LRRC3C: variants seen among roughly 807,000 people sequenced by gnomAD.
LRRC3C encodes leucine rich repeat containing 3C, also known as leucine-rich repeat-containing protein 3C.
In LRRC3C, 11 loss-of-function variants were observed where a neutral mutation model predicts 14.8. The ratio of observed to expected loss-of-function variants is 0.74; its 90% CI spans 0.47 to 1.23. LRRC3C has a LOEUF of 1.23. Ranked by LOEUF, LRRC3C falls within the 50% of genes most tolerant of loss-of-function variation. The pLI, the probability that LRRC3C is intolerant of heterozygous loss-of-function variation, is 0.00. For missense variants in LRRC3C, 354 were observed against 361.8 expected (o/e 0.98, Z 0.18); for synonymous variants, 149 against 161.5 (o/e 0.92, Z 0.59).
chr17:39,932,369 G>C (rs1295084664), intron 1 of LRRC3C, among the ~76,000 whole-genome samples: 1 of 152,116 alleles, frequency 6.6e-6, no homozygotes, highest in African/African-American at 2.4e-5. Context: ...AATGATATTT[G>C]AGCATCTACT....
chr17:39,938,137 G>GAA (rs201516952), intron 2 of LRRC3C, among the ~76,000 whole-genome samples: 1 of 151,218 alleles, frequency 6.6e-6, no homozygotes, highest in South Asian at 2.1e-4. Flanking sequence ...GTCTCAACAA[G>GAA]AAAAAAAAAT....
chr17:39,940,628 T>TC (rs1321599170), intron 2 of LRRC3C, among the ~76,000 whole-genome samples: 2 of 145,616 alleles, frequency 1.4e-5, no homozygotes, highest in Non-Finnish European at 3.0e-5. Context: ...TTTTTTTTTT[T>TC]CTGGAGAGAC....
In LRRC3C at chr17:39,941,433, T is replaced by G; in HGVS notation, c.-81-10T>G. 2.0e-6 allele frequency: 2 copies of G among 1,010,504 alleles called. No individual in the cohort carries two copies. Among genetic ancestry groups the G allele is most frequent in the African/African-American group, 3.2e-5 (2 of 62,230 alleles). 62.6% of individuals were successfully genotyped at this position (1,010,504 alleles called of 1,614,324 possible). A position where few individuals can be genotyped will look rare whatever the true frequency, so the allele number is the denominator to read the frequency against. On this transcript the variant is annotated splice_polypyrimidine_tract_variant and intron_variant, in intron 2 of 3. Coordinates refer to ENST00000377924, the MANE Select transcript of LRRC3C (RefSeq NM_001195545.2). ...CCCCCACACACACCCCATTTTTATT[T>G]TGCACTCAGCTCTACAATTCCGTGT...
chr17:39,938,055 C>T lies in LRRC3C; in HGVS notation c.-82+2161C>T, dbSNP rs577910469. ...GCTGAGGCAGGAGAATCTCTTGAACCCAGGAGGCAGAGGCTACTGTGAGCC... is the reference window on the plus strand; with the variant it reads ...GCTGAGGCAGGAGAATCTCTTGAACTCAGGAGGCAGAGGCTACTGTGAGCC... On this transcript the variant is annotated intron_variant, in intron 2 of 3. Transcript: ENST00000377924. Among the ~76,000 whole-genome samples, 3 of 152,206 alleles carry T rather than the reference C, an allele frequency of 2.0e-5. No individual in the cohort carries two copies. The South Asian group carries it at 6.2e-4, about 32-fold the overall frequency.
At chr17:39,941,788 GCC>G (rs1978948448) in intron 3 of LRRC3C, among the ~76,000 whole-genome samples, 1 of 152,186 alleles carries the variant, frequency 6.6e-6, no homozygotes, top group South Asian at 2.1e-4. Flanking sequence ...CTGGTCTTTG[GCC>G]ACTGACTCAT....
intron 2 of LRRC3C, among the ~76,000 whole-genome samples, chr17:39,938,317 G>A (rs555708548): frequency 1.2e-4 from 18 of 152,206 alleles, no homozygotes; most frequent in Non-Finnish European, 2.4e-4. Flanking sequence ...GTAGCTCAGC[G>A]ATTTCCAGGC....
intron 2 of LRRC3C, among the ~76,000 whole-genome samples, chr17:39,941,116 G>A (rs1415808011): frequency 2.6e-5 from 4 of 151,688 alleles, no homozygotes; most frequent in African/African-American, 7.3e-5. Context: ...TTGGGAGGCC[G>A]AAGTGGGTGG....
chr17:39,935,850 A>T lies in LRRC3C; in HGVS notation c.-126A>T, dbSNP rs1370975533. The T allele has an allele frequency of 1.0e-6, 1 of 985,356 alleles. No individual in the cohort carries two copies. The highest frequency in any genetic ancestry group is 1.7e-5 in the African/African-American group (1 of 57,240). 61.0% of individuals were successfully genotyped at this position (985,356 alleles called of 1,614,324 possible). A position where few individuals can be genotyped will look rare whatever the true frequency, so the allele number is the denominator to read the frequency against. ...TGTTGCCCTCTCCGCGAAACTGCCC[A>T]GTAACCTGGCATTAGACGGGTCCCT... On this transcript the variant is annotated 5_prime_UTR_variant, in exon 2 of 4. Coordinates refer to ENST00000377924, the MANE Select transcript of LRRC3C (RefSeq NM_001195545.2).
chr17:39,942,786 G>T (rs1406984665), intron 3 of LRRC3C, among the ~76,000 whole-genome samples: 1 of 152,206 alleles, frequency 6.6e-6, no homozygotes, highest in Non-Finnish European at 1.5e-5. Context: ...GTGCCATGGC[G>T]TGAAAGAATG....
In LRRC3C at chr17:39,944,195, G is replaced by C. The variant is rs145974830; in HGVS notation, c.289G>C (p.Gly97Arg). Residue 97 changes from glycine to arginine, a missense_variant, in exon 4 of 4, where the codon GGT becomes CGT. Gly to Arg is a moderately radical substitution (Grantham distance 125). Transcript: ENST00000377924. Reference sequence around the variant, plus strand: ...CAACCAGCTGGCATCGGTGCCTGCTGGTGCCTTCCAGCACCTGCCTGTCCT... The same window carrying C: ...CAACCAGCTGGCATCGGTGCCTGCTCGTGCCTTCCAGCACCTGCCTGTCCT... ...DANQLASVPA[G>R]AFQHLPVLEE... is the part of the protein sequence containing the mutation. 2.5e-3 allele frequency: 3,797 copies of C among 1,536,124 alleles called. 13 individuals are homozygous for C. Among genetic ancestry groups the C allele is most frequent in the Middle Eastern group, 7.7e-3 (46 of 5,990 alleles).
intron 1 of LRRC3C, among the ~76,000 whole-genome samples, chr17:39,933,318 G>T (rs1307848841): frequency 6.6e-6 from 1 of 152,094 alleles, no homozygotes; most frequent in African/African-American, 2.4e-5. Flanking sequence ...TCTGGGAGTG[G>T]TGATCGGGCC....
chr17:39,944,740 C>A lies in LRRC3C; in HGVS notation c.*6C>A, dbSNP rs887296491. 11 of 1,535,326 alleles carry A rather than the reference C, an allele frequency of 7.2e-6. No individual in the cohort carries two copies. The highest frequency in any genetic ancestry group is 3.3e-4 in the Middle Eastern group (2 of 6,012). On this transcript the variant is annotated 3_prime_UTR_variant, in exon 4 of 4. Transcript: ENST00000377924. Reference sequence around the variant, plus strand: ...TCCTCAGCACAGTGGTCTGATGACCCAGGATGCTCCTCCAGCCACACCCCA... The same window carrying A: ...TCCTCAGCACAGTGGTCTGATGACCAAGGATGCTCCTCCAGCCACACCCCA...
chr17:39,943,370 G>A (rs1978987738), intron 3 of LRRC3C, among the ~76,000 whole-genome samples: 1 of 152,174 alleles, frequency 6.6e-6, no homozygotes, highest in Admixed American at 6.5e-5. Context: ...GGACAGAGCT[G>A]GGGCAGGCAG....
intron 1 of LRRC3C, among the ~76,000 whole-genome samples, chr17:39,933,451 C>T (rs528975866): frequency 1.5e-4 from 23 of 152,182 alleles, no homozygotes; most frequent in Middle Eastern, 3.4e-3. Context: ...AACAGTGCCT[C>T]GAGCTGGGTG....
intron 2 of LRRC3C, among the ~76,000 whole-genome samples, chr17:39,937,162 G>A (rs754777735): frequency 3.7e-4 from 55 of 149,194 alleles, no homozygotes; most frequent in Admixed American, 2.9e-3. Flanking sequence ...TAGGCCGGGC[G>A]CAGTGGCTCA....
intron 2 of LRRC3C, among the ~76,000 whole-genome samples, chr17:39,936,649 CAAAAAA>C (rs762019861): frequency 2.6e-5 from 2 of 77,370 alleles, no homozygotes; most frequent in Non-Finnish European, 5.5e-5. Context: ...CACAAAAATA[CAAAAAA>C]AAAAAAAAAA....
intron 3 of LRRC3C, among the ~76,000 whole-genome samples, chr17:39,942,936 G>A (rs1978977169): frequency 1.3e-5 from 2 of 152,236 alleles, no homozygotes; most frequent in Admixed American, 1.3e-4. Flanking sequence ...TCTGGGTAAG[G>A]AAGAGGAGTT....
chr17:39,944,282 C>G lies in LRRC3C; in HGVS notation c.376C>G (p.Leu126Val). ...CCTCTCAGGGGCGGCTTTCCAGGGC[C>G]TGGAGGGCACATTGCGCCACCTCGA... ...AHLSGAAFQGLEGTLRHLDLS... is the reference protein window; with the variant it reads ...AHLSGAAFQGVEGTLRHLDLS... The change falls in exon 4 of 4, where the codon CTG (leucine) becomes GTG (valine). Residue 126 changes from leucine to valine, a missense_variant. Leu to Val is a conservative substitution (Grantham distance 32, BLOSUM62 1). Coordinates refer to ENST00000377924, the MANE Select transcript of LRRC3C (RefSeq NM_001195545.2). The G allele has an allele frequency of 6.5e-7, 1 of 1,535,210 alleles. No individual in the cohort carries two copies. Among genetic ancestry groups the G allele is most frequent in the South Asian group, 1.2e-5 (1 of 83,874 alleles).
At chr17:39,942,916 C>A (rs1345358246) in intron 3 of LRRC3C, among the ~76,000 whole-genome samples, 1 of 152,176 alleles carries the variant, frequency 6.6e-6, no homozygotes, top group East Asian at 1.9e-4. Flanking sequence ...ATCCTTCTGC[C>A]CAGCCAGGTT....
Sources: allele counts gnomAD v4.1 joint callset (sites outside exome capture counted in the v4.1 genomes callset), GRCh38; gene constraint gnomAD v4.1.1; transcripts MANE v1.5; gene names NCBI Gene and HGNC (gene_info 2026-07-23, HGNC 2026-07-21).